GALNT13: variants seen among roughly 807,000 people sequenced by gnomAD.
GALNT13 encodes polypeptide N-acetylgalactosaminyltransferase 13.
A neutral mutation model predicts 64.2 loss-of-function variants in GALNT13; 28 were observed. That is an observed-to-expected ratio of 0.44 (90% CI 0.32 to 0.60). The LOEUF is 0.60. Among genes scored for constraint, GALNT13 ranks in the 20% least tolerant of loss-of-function variants. The pLI is 0.05. For missense variants in GALNT13, 577 were observed against 669.8 expected (o/e 0.86, Z 1.53); for synonymous variants, 214 against 224.6 (o/e 0.95, Z 0.42).
chr2:154,442,187 A>G (rs753822316), intron 12 of GALNT13, among the ~76,000 whole-genome samples: 1 of 152,162 alleles, frequency 6.6e-6, no homozygotes, highest in Non-Finnish European at 1.5e-5. Flanking sequence ...GTTCTACAAT[A>G]AATATGGTCC....
At chr2:153,625,756 A>G in the GALNT13 span, among the ~76,000 whole-genome samples, 1 of 151,848 alleles carries the variant, frequency 6.6e-6, no homozygotes, top group Admixed American at 6.6e-5. Context: ...GTTCTCTGCC[A>G]TAAGAACAAA....
the GALNT13 span, among the ~76,000 whole-genome samples, chr2:153,338,508 A>C: frequency 6.6e-6 from 1 of 152,190 alleles, no homozygotes; most frequent in East Asian, 1.9e-4. Context: ...ACAATTAGAA[A>C]TGATATATAC....
intron 1 of GALNT13, among the ~76,000 whole-genome samples, chr2:153,880,486 A>G (rs960851012): frequency 6.6e-6 from 1 of 152,172 alleles, no homozygotes; most frequent in Non-Finnish European, 1.5e-5. Context: ...AGAGTTAAAA[A>G]TCGGCATTTA....
At chr2:153,256,766 G>A in the GALNT13 span, among the ~76,000 whole-genome samples, 3 of 152,168 alleles carry the variant, frequency 2.0e-5, no homozygotes, top group Non-Finnish European at 2.9e-5. Flanking sequence ...GGCTGCTCGG[G>A]GGTCAAGGGT....
the GALNT13 span, among the ~76,000 whole-genome samples, chr2:153,836,614 C>T: frequency 1.3e-5 from 2 of 150,994 alleles, no homozygotes; most frequent in Admixed American, 6.6e-5. Flanking sequence ...CCCATTAACT[C>T]GTCATTTAAC....
chr2:153,489,294 A>G, the GALNT13 span, among the ~76,000 whole-genome samples: 188 of 152,318 alleles, frequency 1.2e-3, no homozygotes, highest in African/African-American at 4.3e-3. Flanking sequence ...AATACAAACA[A>G]AAGGCACATG....
chr2:153,377,571 T>G, the GALNT13 span, among the ~76,000 whole-genome samples: 1 of 152,274 alleles, frequency 6.6e-6, no homozygotes, highest in Non-Finnish European at 1.5e-5. Context: ...TCTTGCCATG[T>G]GATCCCTGCA....
At chr2:154,364,468 TCACG>T (rs1697248955) in intron 9 of GALNT13, among the ~76,000 whole-genome samples, 1 of 151,714 alleles carries the variant, frequency 6.6e-6, no homozygotes. Context: ...AAAAGTGTGA[TCACG>T]GGCAGTTAGA....
chr2:153,236,802 G>T, the GALNT13 span, among the ~76,000 whole-genome samples: 2 of 152,038 alleles, frequency 1.3e-5, no homozygotes. Flanking sequence ...ATAAATCAAG[G>T]AGTAATTATT....
At chr2:153,627,382 G>A in the GALNT13 span, among the ~76,000 whole-genome samples, 1 of 152,176 alleles carries the variant, frequency 6.6e-6, no homozygotes, top group Admixed American at 6.6e-5. Flanking sequence ...AGTAGAATAA[G>A]TAGATATTCT....
rs953642959 is a variant in GALNT13 at position 154,453,597 on chromosome 2, A to T, written c.*3046A>T. 3.3e-5 allele frequency: 5 copies of T among 151,748 alleles called. No homozygotes were observed. Among genetic ancestry groups the T allele is most frequent in the African/African-American group, 7.3e-5 (3 of 41,312 alleles). 9.4% of individuals were successfully genotyped at this position (151,748 alleles called of 1,614,324 possible). On this transcript the variant is annotated 3_prime_UTR_variant, in exon 13 of 13. Coordinates refer to ENST00000392825, the MANE Select transcript of GALNT13 (RefSeq NM_052917.4). ...TGACAATCTATGAGTTTGCTTCTTT[A>T]TTTCTGTCTATACTTCCCCCTCCCC...
At chr2:153,369,896 C>A in the GALNT13 span, among the ~76,000 whole-genome samples, 8 of 152,154 alleles carry the variant, frequency 5.3e-5, no homozygotes, top group African/African-American at 1.9e-4. Flanking sequence ...TCAATGGCTG[C>A]TTCATGAGAG....
the GALNT13 span, among the ~76,000 whole-genome samples, chr2:153,650,364 A>T: frequency 6.6e-6 from 1 of 151,956 alleles, no homozygotes; most frequent in South Asian, 2.1e-4. Context: ...GTGTCTCTGC[A>T]CTTGAGAAGG....
chr2:154,065,951 GC>G (rs201265497), intron 3 of GALNT13, among the ~76,000 whole-genome samples: 7,097 of 152,230 alleles, frequency 0.047, 213 homozygotes, highest in South Asian at 0.11. Context: ...ATTTAAAAGA[GC>G]TTTTTTGAGG....
intron 4 of GALNT13, among the ~76,000 whole-genome samples, chr2:154,174,168 A>C (rs1443379183): frequency 6.6e-6 from 1 of 152,192 alleles, no homozygotes; most frequent in Non-Finnish European, 1.5e-5. Context: ...AAGGTACATT[A>C]AAATTACGCA....
the GALNT13 span, among the ~76,000 whole-genome samples, chr2:153,437,310 T>G: frequency 1.1e-4 from 17 of 152,232 alleles, no homozygotes; most frequent in East Asian, 1.2e-3. Context: ...CTGTTGATTT[T>G]GGGTGGAGAG....
At chr2:154,365,223 T>C (rs914422139) in intron 9 of GALNT13, among the ~76,000 whole-genome samples, 1 of 152,178 alleles carries the variant, frequency 6.6e-6, no homozygotes, top group Admixed American at 6.5e-5. Context: ...AGTGTGTTAC[T>C]AGTTTAGTCT....
chr2:153,942,434 A>T (rs1478784011), intron 2 of GALNT13, among the ~76,000 whole-genome samples: 1 of 152,140 alleles, frequency 6.6e-6, no homozygotes, highest in Non-Finnish European at 1.5e-5. Context: ...CTATCTTAAG[A>T]CTGAAGACAG....
chr2:153,595,443 GT>G, the GALNT13 span, among the ~76,000 whole-genome samples: 1 of 151,692 alleles, frequency 6.6e-6, no homozygotes, highest in Non-Finnish European at 1.5e-5. Context: ...AAAATTTTAT[GT>G]TATATAAAAA....
Sources: gnomAD v4.1 joint callset for allele counts (sites outside exome capture counted in the v4.1 genomes callset) on GRCh38, gnomAD v4.1.1 for gene constraint, MANE v1.5 for transcripts, NCBI Gene and HGNC (gene_info 2026-07-23, HGNC 2026-07-21) for gene names.